Variants in SLC5A4 observed in about 807,000 individuals in gnomAD.
SLC5A4 encodes probable glucose sensor protein SLC5A4.
Under a neutral mutation model 70.3 loss-of-function variants are expected in SLC5A4, and 55 were observed. The ratio of observed to expected loss-of-function variants is 0.78; its 90% CI spans 0.63 to 0.98. The LOEUF (loss-of-function observed/expected upper bound fraction) is 0.98. SLC5A4 is among the 50% of genes least tolerant of loss of function. SLC5A4 has a pLI of 0.00. For synonymous variants in SLC5A4, 268 were observed against 305.7 expected (o/e 0.88, Z 1.29); for missense variants, 735 against 839.2 (o/e 0.88, Z 1.53).
chr22:32,326,286 T>TG, the SLC5A4 span, among the ~76,000 whole-genome samples: 3 of 149,754 alleles, frequency 2.0e-5, no homozygotes, highest in East Asian at 5.8e-4. Context: ...TTTTTTTTTT[T>TG]GAGATGGAGT....
At chr22:32,346,368 T>C in the SLC5A4 span, among the ~76,000 whole-genome samples, 1 of 152,182 alleles carries the variant, frequency 6.6e-6, no homozygotes, top group African/African-American at 2.4e-5. Context: ...TAAGTTCATA[T>C]GTAACCAAAA....
the SLC5A4 span, among the ~76,000 whole-genome samples, chr22:32,291,005 C>T: frequency 2.0e-5 from 3 of 151,522 alleles, no homozygotes; most frequent in African/African-American, 7.3e-5. Flanking sequence ...GTAGTGGTGT[C>T]TTCTTTTTAA....
rs767356660 is a variant in SLC5A4 at position 32,251,775 on chromosome 22, A to G, written c.307T>C (p.Trp103Arg). ...ASGVATVTFE[W>R]TSSVMLLILG... The stretch of plus-strand genomic sequence containing the variant: ...AAGCCTATGATGTCACTTACAGTCC[A>G]TTCAAATGTTACGGTGGCGACTCCT... The change falls in exon 3 of 15, where the codon TGG becomes CGG. Residue 103 changes from tryptophan to arginine, a missense_variant. Trp to Arg is a moderately radical substitution (Grantham distance 101, BLOSUM62 -3). Coordinates refer to ENST00000266086, the MANE Select transcript of SLC5A4 (RefSeq NM_014227.3). The G allele has an allele frequency of 9.4e-6, 15 of 1,596,794 alleles. No individual in the cohort carries two copies. Among genetic ancestry groups the G allele is most frequent in the Non-Finnish European group, 1.3e-5 (15 of 1,164,186 alleles).
At chr22:32,307,785 T>C in the SLC5A4 span, among the ~76,000 whole-genome samples, 1 of 152,190 alleles carries the variant, frequency 6.6e-6, no homozygotes, top group Non-Finnish European at 1.5e-5. Context: ...AGCCCAGTGA[T>C]GTACTCCTGG....
At chr22:32,264,446 G>A in the SLC5A4 span, among the ~76,000 whole-genome samples, 1 of 151,948 alleles carries the variant, frequency 6.6e-6, no homozygotes, top group Non-Finnish European at 1.5e-5. Context: ...ATGGTGGCAT[G>A]TGCCTGTGGT....
At chr22:32,234,750 G>T (rs983348529) in intron 8 of SLC5A4, 123 bp downstream of exon 8, 1 of 771,400 alleles carries the variant, frequency 1.3e-6, no homozygotes, top group Non-Finnish European at 2.2e-6. Flanking sequence ...CTCTTTAAAC[G>T]ATGTGTGTGC....
At chr22:32,245,148 C>G (rs1004178213) in intron 5 of SLC5A4, among the ~76,000 whole-genome samples, 15 of 152,166 alleles carry the variant, frequency 9.9e-5, no homozygotes, top group Non-Finnish European at 1.6e-4. Flanking sequence ...GTTATGAAAA[C>G]TGTCCTGTCC....
chr22:32,309,446 TAAA>T, the SLC5A4 span, among the ~76,000 whole-genome samples: 2 of 152,104 alleles, frequency 1.3e-5, no homozygotes, highest in African/African-American at 4.8e-5. Context: ...GTAGGCAGCT[TAAA>T]AAATCAGGTT....
At chr22:32,331,429 TG>T in the SLC5A4 span, among the ~76,000 whole-genome samples, 2 of 152,160 alleles carry the variant, frequency 1.3e-5, no homozygotes, top group African/African-American at 4.8e-5. Flanking sequence ...TCAGCTCCCC[TG>T]GTCTCCAGGA....
the SLC5A4 span, chr22:32,272,272 A>C: frequency 1.2e-6 from 1 of 803,576 alleles, no homozygotes; most frequent in Non-Finnish European, 2.2e-6. Context: ...TTGACCAAGA[A>C]CAAGTTCAGA....
rs184754040 is a variant in SLC5A4, at chr22:32,225,996, T to G, written c.1281-173A>C. 2.9e-3 allele frequency among the ~76,000 whole-genome samples: 444 copies of G among 152,312 alleles called. 3 individuals carry two copies. The highest frequency in any genetic ancestry group is 9.9e-3 in the African/African-American group (410 of 41,562). On this transcript the variant is annotated intron_variant, in intron 11 of 14. Coordinates refer to ENST00000266086, the MANE Select transcript of SLC5A4 (RefSeq NM_014227.3). ...GCTTAATGGTGATCTTTTAGTAAAG[T>G]GCCAATAAAGCAATTGCTTGTCTAT...
the SLC5A4 span, chr22:32,270,423 C>T: frequency 3.1e-5 from 43 of 1,403,392 alleles, no homozygotes; most frequent in African/African-American, 1.6e-4. Context: ...GGACAGTCAT[C>T]GCCCTGGTGC....
At chr22:32,315,209 C>T in the SLC5A4 span, among the ~76,000 whole-genome samples, 63,817 of 151,756 alleles carry the variant, frequency 0.42, 13,695 homozygotes, top group East Asian at 0.65. Context: ...GCAATGAGCA[C>T]AGAATTTGTG....
At chr22:32,219,993 A>G (rs1192443397) in intron 14 of SLC5A4, among the ~76,000 whole-genome samples, 9 of 151,728 alleles carry the variant, frequency 5.9e-5, no homozygotes, top group African/African-American at 1.9e-4. Context: ...AAATAGTTCT[A>G]TAGCCATTAT....
the SLC5A4 span, among the ~76,000 whole-genome samples, chr22:32,283,096 G>T: frequency 6.6e-6 from 1 of 152,166 alleles, no homozygotes; most frequent in African/African-American, 2.4e-5. Context: ...AATTTGACTG[G>T]CTCCCTGCAC....
At chr22:32,309,818 G>C in the SLC5A4 span, among the ~76,000 whole-genome samples, 1 of 151,874 alleles carries the variant, frequency 6.6e-6, no homozygotes, top group African/African-American at 2.4e-5. Flanking sequence ...TGGCTTGTGG[G>C]GGTGACCTGC....
At chr22:32,270,167 G>A in the SLC5A4 span, 1 of 646,886 alleles carries the variant, frequency 1.5e-6, no homozygotes, top group Non-Finnish European at 2.9e-6. Flanking sequence ...GCGACGCCCA[G>A]TCGGGCACAC....
In SLC5A4 at chr22:32,237,301, T is replaced by C. The variant is rs1225206612; in HGVS notation, c.607A>G (p.Thr203Ala). 6.2e-7 allele frequency: 1 copy of C among 1,605,946 alleles called. No homozygotes were observed. Among genetic ancestry groups the C allele is most frequent in the South Asian group, 1.1e-5 (1 of 89,436 alleles). ...ATGATGATGGTCTGGAGGGTGTCTG[T>C]GTAAATCACCGAGGCCAAGCCCCCT... ...TTGGLASVIY[T>A]DTLQTIIMLI... Residue 203 changes from threonine (T) to alanine (A), a missense_variant, in exon 7 of 15, where the codon ACA (threonine) becomes GCA (alanine). Coordinates refer to ENST00000266086, the MANE Select transcript of SLC5A4 (RefSeq NM_014227.3).
the SLC5A4 span, among the ~76,000 whole-genome samples, chr22:32,345,452 T>G: frequency 1.1e-3 from 163 of 152,316 alleles, no homozygotes; most frequent in African/African-American, 3.8e-3. Flanking sequence ...TTCTTAAAAA[T>G]ACGTAGTTTG....
Sources: allele counts gnomAD v4.1 joint callset (sites outside exome capture counted in the v4.1 genomes callset), GRCh38; gene constraint gnomAD v4.1.1; transcripts MANE v1.5; gene names NCBI Gene and HGNC (gene_info 2026-07-23, HGNC 2026-07-21).